ERICH6: variants seen among roughly 807,000 people sequenced by gnomAD.
The protein encoded by ERICH6 is glutamate rich 6, also known as glutamate-rich protein 6.
Under a neutral mutation model 71.0 loss-of-function variants are expected in ERICH6, and 71 were observed. The observed-to-expected ratio is 1.00, with a 90% confidence interval of 0.83 to 1.22. The LOEUF (loss-of-function observed/expected upper bound fraction) is 1.22, where lower values mean the gene tolerates loss of function less well. Ranked by LOEUF, ERICH6 falls within the 50% of genes most tolerant of loss-of-function variation. The probability of loss-of-function intolerance (pLI) is 0.00; values close to 1 mark genes in which losing one functional copy is unlikely to be tolerated. For synonymous variants in ERICH6, 262 were observed against 278.4 expected, an observed-to-expected ratio of 0.94 and a Z score of 0.59; for missense variants, 808 against 797.2, an observed-to-expected ratio of 1.01 and a Z score of -0.16.
At position 150,669,357 on chromosome 3, in the gene ERICH6, T is replaced by G. The variant is rs1711496902; in HGVS notation, c.1438A>C (p.Ile480Leu). The change falls in exon 12 of 14, where the codon ATC becomes CTC. Residue 480 changes from isoleucine (I) to leucine (L), a missense_variant. By Grantham distance (5) the Ile-to-Leu change is conservative (BLOSUM62 2). Around this residue, in one of 3 missense-constraint regions of ERICH6, gnomAD observed 736 missense variants for 712.2 expected, o/e 1.03. Coordinates refer to ENST00000295910, the MANE Select transcript of ERICH6 (RefSeq NM_152394.5). The stretch of plus-strand genomic sequence containing the variant: ...CCAGAGGAATCCAGCACTGCTAGGA[T>G]AGCAGGGTTAGTGGGCATATCTTCT... ...VQEDMPTNPA[I>L]LAVLDSSGRS... is the part of the protein sequence containing the mutation. 1 of 1,613,768 alleles carries G rather than the reference T, an allele frequency of 6.2e-7. No individual in the cohort carries two copies. The highest frequency in any genetic ancestry group is 8.5e-7 in the Non-Finnish European group (1 of 1,179,914).
chr3:150,686,406 T>G, intron 3 of ERICH6, 52 bp from the exon 4 acceptor site: 1 of 1,508,864 alleles, frequency 6.6e-7, no homozygotes, highest in Non-Finnish European at 9.1e-7. Context: ...GAAAAGAAGC[T>G]GAATATAAAA....
intron 3 of ERICH6, among the ~76,000 whole-genome samples, chr3:150,693,778 T>C: frequency 6.6e-6 from 1 of 152,224 alleles, no homozygotes; most frequent in East Asian, 1.9e-4. Flanking sequence ...ATTCTTGTCT[T>C]GACTAATGTT....
intron 11 of ERICH6, among the ~76,000 whole-genome samples, chr3:150,673,129 TCTTCCTTC>T (rs141335993): frequency 8.1e-5 from 12 of 149,062 alleles, no homozygotes; most frequent in South Asian, 2.2e-4. Context: ...CTTCCTTCCT[TCTTCCTTC>T]CTTCCTTCCT....
chr3:150,680,893 T>G lies in ERICH6; in HGVS notation c.920A>C (p.Tyr307Ser), dbSNP rs573554616. The change falls in exon 8 of 14, where the codon TAT (tyrosine) becomes TCT (serine). Residue 307 changes from tyrosine to serine, a missense_variant. Physicochemically the swap from Tyr to Ser is moderately radical, Grantham distance 144. Transcript: ENST00000295910. Reference sequence around the variant, plus strand: ...GGTTTTTATTTGCTCCTCATAGATATAGTCAATCAGATTTTGGAAAGCAAT... The same window carrying G: ...GGTTTTTATTTGCTCCTCATAGATAGAGTCAATCAGATTTTGGAAAGCAAT... Reference protein sequence around the residue: ...CCIAFQNLIDYIYEEQIKTKP... With the variant: ...CCIAFQNLIDSIYEEQIKTKP... 2 of 1,612,348 alleles carry G rather than the reference T, an allele frequency of 1.2e-6. No individual in the cohort carries two copies. Among genetic ancestry groups the G allele is most frequent in the Non-Finnish European group, 1.7e-6 (2 of 1,179,584 alleles).
In ERICH6 at chr3:150,674,025, A is replaced by C. The variant is rs768798506; in HGVS notation, c.1274T>G (p.Leu425Arg). ...IACGKVVRNE[L>R]LEKHYKHGSK... ...CCCATGTTTGTAGTGCTTCTCTAAG[A>C]GCTCATTCCTGACAACCTATACACC... is the stretch of plus-strand genomic sequence containing the variant. Residue 425 changes from leucine to arginine, a missense_variant, in exon 11 of 14, where the codon CTC becomes CGC. This residue lies in a region of ERICH6 where 736 missense variants were observed against 712.2 expected (regional missense o/e 1.03). Transcript: ENST00000295910. 6 of 1,613,914 alleles carry C rather than the reference A, an allele frequency of 3.7e-6. No individual in the cohort carries two copies. The African/African-American group carries it at 8.0e-5, about 22-fold the overall frequency.
intron 3 of ERICH6, among the ~76,000 whole-genome samples, chr3:150,687,120 A>C (rs1018511789): frequency 1.3e-5 from 2 of 152,258 alleles, no homozygotes; most frequent in Non-Finnish European, 2.9e-5. Context: ...CTACCAAGCA[A>C]ATGTGTGTCT....
In ERICH6 at chr3:150,669,354, G is replaced by A; in HGVS notation, c.1441C>T (p.Leu481=). 1 of 1,613,784 alleles carries A rather than the reference G, an allele frequency of 6.2e-7. No individual in the cohort carries two copies. The highest frequency in any genetic ancestry group is 8.5e-7 in the Non-Finnish European group (1 of 1,179,860). The change falls in exon 12 of 14, where the codon CTA becomes TTA. Residue 481 remains leucine, a synonymous_variant. Transcript: ENST00000295910. ...CTGCCAGAGGAATCCAGCACTGCTA[G>A]GATAGCAGGGTTAGTGGGCATATCT... ...QEDMPTNPAI[L]AVLDSSGRSS...
chr3:150,675,155 A>C (rs1458629780), intron 10 of ERICH6, among the ~76,000 whole-genome samples: 3 of 152,100 alleles, frequency 2.0e-5, no homozygotes, highest in African/African-American at 7.2e-5. Context: ...GTAGGCTAAA[A>C]TATCTCATTA....
At chr3:150,701,001 AATT>A (rs1474813458) in intron 2 of ERICH6, among the ~76,000 whole-genome samples, 2 of 152,226 alleles carry the variant, frequency 1.3e-5, no homozygotes, top group African/African-American at 4.8e-5. Flanking sequence ...GTTGGTTTTC[AATT>A]TTTAGAAACA....
At chr3:150,661,711 T>C (rs1229689971) in intron 13 of ERICH6, among the ~76,000 whole-genome samples, 1 of 152,124 alleles carries the variant, frequency 6.6e-6, no homozygotes. Flanking sequence ...TAAAATATAG[T>C]GTATTAAAAG....
rs540459655 is a variant in ERICH6 at position 150,697,004 on chromosome 3, A to T, written c.553+1787T>A. ...TAAATATCTAGGAACAATTTTATGCATCAGTTGGGGAATCTTTAAATAAAT... is the reference window on the plus strand; with the variant it reads ...TAAATATCTAGGAACAATTTTATGCTTCAGTTGGGGAATCTTTAAATAAAT... On this transcript the variant is annotated intron_variant, in intron 3 of 13. Transcript: ENST00000295910. Among the ~76,000 whole-genome samples, 222 of 152,304 alleles carry T rather than the reference A, an allele frequency of 1.5e-3. 1 individual carries two copies. The highest frequency in any genetic ancestry group is 5.2e-3 in the African/African-American group (215 of 41,578).
At chr3:150,682,125 A>T in intron 7 of ERICH6, 93 bp downstream of exon 7, 1 of 1,124,142 alleles carries the variant, frequency 8.9e-7, no homozygotes, top group Non-Finnish European at 1.3e-6. Flanking sequence ...TAACTCTTTT[A>T]AAAATGGCAA....
intron 3 of ERICH6, among the ~76,000 whole-genome samples, chr3:150,693,696 T>C (rs1385426170): frequency 6.6e-6 from 1 of 152,234 alleles, no homozygotes; most frequent in East Asian, 1.9e-4. Flanking sequence ...TACCACAATT[T>C]GTCTTTAGTA....
Position 150,679,035 on chromosome 3 carries a change from C to CAAAAAAA in ERICH6, c.1112-488_1112-482dup, listed in dbSNP as rs1160094551. Among the ~76,000 whole-genome samples, 39 of 65,220 alleles carry CAAAAAAA rather than the reference C, an allele frequency of 6.0e-4. 1 individual carries two copies. The highest frequency in any genetic ancestry group is 2.3e-3 in the African/African-American group (37 of 16,382). 42.8% of individuals were successfully genotyped at this position (65,220 alleles called of 152,430 possible). A position where few individuals can be genotyped will look rare whatever the true frequency, so the allele number is the denominator to read the frequency against. Reference sequence around the variant, plus strand: ...TGGGTGACAGAGCAAGACTCTGTCTCAAAAAAAAAAAAAAAAAAAAAAAGA... The same window carrying CAAAAAAA: ...TGGGTGACAGAGCAAGACTCTGTCTCAAAAAAAAAAAAAAAAAAAAAAAAAAAAAAGA... On this transcript the variant is annotated intron_variant, in intron 9 of 13. Coordinates refer to ENST00000295910, the MANE Select transcript of ERICH6 (RefSeq NM_152394.5).
At position 150,666,816 on chromosome 3, in the gene ERICH6, C is replaced by T; in HGVS notation, c.1699G>A (p.Ala567Thr). ...ACTTTGGTTCCAACACTGATTCTTGCCTGTTGGCCCATTGCTAGAAAAGTT... is the reference window on the plus strand; with the variant it reads ...ACTTTGGTTCCAACACTGATTCTTGTCTGTTGGCCCATTGCTAGAAAAGTT... Reference protein sequence around the residue: ...SITFLAMGQQARISVGTKVKL... With the variant: ...SITFLAMGQQTRISVGTKVKL... The change falls in exon 13 of 14, where the codon GCA (alanine) becomes ACA (threonine). Residue 567 changes from alanine (A) to threonine (T), a missense_variant. Ala to Thr is a moderately conservative substitution (Grantham distance 58). Coordinates refer to ENST00000295910, the MANE Select transcript of ERICH6 (RefSeq NM_152394.5). The T allele has an allele frequency of 1.2e-6, 2 of 1,614,098 alleles. No individual in the cohort carries two copies. The highest frequency in any genetic ancestry group is 1.7e-6 in the Non-Finnish European group (2 of 1,180,014).
At chr3:150,678,597 ATTTTCTAAAGCCTC>A in intron 9 of ERICH6, 43 bp from the exon 10 acceptor site, 3 of 1,475,584 alleles carry the variant, frequency 2.0e-6, no homozygotes, top group Non-Finnish European at 2.7e-6. Flanking sequence ...TATGTTTTAA[ATTTTCTAAAGCCTC>A]TTTTCTAAAA....
In ERICH6 at chr3:150,699,717, T is replaced by TAA. The variant is rs1178685062; in HGVS notation, c.462-837_462-836dup. ...TATTAGAACAAAGCCCTCAAAGAGA[T>TAA]AAAAACAAAAAAAAAAAACACAAAA... On this transcript the variant is annotated intron_variant, in intron 2 of 13. Coordinates refer to ENST00000295910, the MANE Select transcript of ERICH6 (RefSeq NM_152394.5). Among the ~76,000 whole-genome samples the TAA allele has an allele frequency of 4.1e-3, 453 of 111,508 alleles. 3 individuals are homozygous for TAA. The highest frequency in any genetic ancestry group is 0.014 in the African/African-American group (412 of 29,482). The allele number at this position is 111,508 out of a possible 152,430, so 73.2% of individuals were successfully genotyped here.
chr3:150,702,234 C>CT, intron 1 of ERICH6, 56 bp from the exon 2 acceptor site: 2 of 974,010 alleles, frequency 2.1e-6, no homozygotes, highest in Admixed American at 4.7e-5. Context: ...AAGGTCAATT[C>CT]TACCCCCCCC....
At chr3:150,664,101 C>A (rs1307620415) in intron 13 of ERICH6, among the ~76,000 whole-genome samples, 2 of 151,774 alleles carry the variant, frequency 1.3e-5, no homozygotes, top group Admixed American at 1.3e-4. Context: ...CTGTGAGGTA[C>A]AGGGAAAATC....
Sources: allele counts gnomAD v4.1 joint callset (sites outside exome capture counted in the v4.1 genomes callset), GRCh38; gene constraint gnomAD v4.1.1; regional missense constraint gnomAD v4.1.1; transcripts MANE v1.5; gene names NCBI Gene and HGNC (gene_info 2026-07-23, HGNC 2026-07-21).